Variants in DLG2 observed in about 807,000 individuals in gnomAD.
The protein encoded by DLG2 is disks large homolog 2.
A neutral mutation model predicts 132.5 loss-of-function variants in DLG2; 45 were observed. That is an observed-to-expected ratio of 0.34 (90% CI 0.27 to 0.44). The LOEUF (loss-of-function observed/expected upper bound fraction) is 0.44. Ranked by LOEUF, DLG2 falls within the 20% of genes least tolerant of loss-of-function variation. DLG2 has a pLI of 1.00. For missense variants in DLG2, 1,045 were observed against 1,196.9 expected (o/e 0.87, Z 1.87); for synonymous variants, 424 against 419.6 (o/e 1.01, Z -0.13).
intron 7 of DLG2, among the ~76,000 whole-genome samples, chr11:84,517,814 A>G (rs1461178305): frequency 6.6e-6 from 1 of 152,060 alleles, no homozygotes; most frequent in East Asian, 1.9e-4. Context: ...AATGCTATTT[A>G]GCCACAAAGA....
intron 7 of DLG2, among the ~76,000 whole-genome samples, chr11:84,259,314 T>G (rs1464566656): frequency 6.6e-6 from 1 of 150,520 alleles, no homozygotes; most frequent in Non-Finnish European, 1.5e-5. Flanking sequence ...TACTGGAGAT[T>G]AGTTTTTACT....
At chr11:83,735,893 G>C in intron 18 of DLG2, among the ~76,000 whole-genome samples, 1 of 152,146 alleles carries the variant, frequency 6.6e-6, no homozygotes, top group Non-Finnish European at 1.5e-5. Context: ...AATGGGACTT[G>C]GAAAATTCCA....
At chr11:85,407,884 G>A (rs895551093) in intron 3 of DLG2, among the ~76,000 whole-genome samples, 2 of 151,614 alleles carry the variant, frequency 1.3e-5, no homozygotes, top group Admixed American at 6.6e-5. Context: ...GCTTTCTGCG[G>A]TTCTTGAAAA....
intron 6 of DLG2, among the ~76,000 whole-genome samples, chr11:84,667,959 G>A (rs2099701650): frequency 6.6e-6 from 1 of 152,048 alleles, no homozygotes; most frequent in African/African-American, 2.4e-5. Context: ...ACTTTTGAGG[G>A]TAATCTTTAG....
chr11:84,706,462 A>C (rs1375825173), intron 6 of DLG2, among the ~76,000 whole-genome samples: 1 of 151,790 alleles, frequency 6.6e-6, no homozygotes, highest in Non-Finnish European at 1.5e-5. Context: ...TGATACATTG[A>C]AACATCTTGA....
chr11:85,365,786 AT>A (rs2084502567), intron 3 of DLG2, among the ~76,000 whole-genome samples: 1 of 152,220 alleles, frequency 6.6e-6, no homozygotes, highest in Non-Finnish European at 1.5e-5. Context: ...CTTTGTAGGA[AT>A]GTGGATGAAG....
intron 12 of DLG2, 143 bp from the exon 13 acceptor site, chr11:83,965,611 T>A (rs1047001885): frequency 1.5e-6 from 1 of 664,390 alleles, no homozygotes; most frequent in Admixed American, 3.2e-5. Flanking sequence ...AATGCATTAG[T>A]CAAAGCAGAT....
At chr11:84,998,869 A>C (rs1239597843) in intron 6 of DLG2, among the ~76,000 whole-genome samples, 1 of 152,120 alleles carries the variant, frequency 6.6e-6, no homozygotes, top group Non-Finnish European at 1.5e-5. Context: ...CAGACATGCT[A>C]TTCCTAAAAG....
chr11:85,504,996 T>C (rs1312266868), intron 3 of DLG2, among the ~76,000 whole-genome samples: 1 of 152,254 alleles, frequency 6.6e-6, no homozygotes, highest in Non-Finnish European at 1.5e-5. Context: ...AGTTCACTCA[T>C]GATTTGGCTC....
intron 6 of DLG2, chr11:84,545,827 C>G (rs1292848463): frequency 6.6e-6 from 1 of 152,604 alleles, no homozygotes; most frequent in Non-Finnish European, 1.4e-5. Flanking sequence ...GCAATCTCTG[C>G]TCACTGCAAC....
intron 6 of DLG2, chr11:85,021,143 A>G: frequency 1.2e-6 from 1 of 824,212 alleles, no homozygotes; most frequent in Non-Finnish European, 2.2e-6. Flanking sequence ...CCAGACTTAG[A>G]AGATCCCCGC....
intron 6 of DLG2, among the ~76,000 whole-genome samples, chr11:84,571,921 C>T (rs1426202909): frequency 1.3e-5 from 2 of 152,104 alleles, no homozygotes; most frequent in Non-Finnish European, 2.9e-5. Context: ...TCAGGCACAA[C>T]TCTGGATACT....
intron 15 of DLG2, among the ~76,000 whole-genome samples, chr11:83,884,869 G>C (rs1415447621): frequency 6.6e-6 from 1 of 152,178 alleles, no homozygotes; most frequent in Non-Finnish European, 1.5e-5. Context: ...AACTCCAACA[G>C]ACCTGCAGCT....
Position 85,563,042 on chromosome 11 carries a change from C to G in DLG2, c.40+35615G>C, listed in dbSNP as rs550019886. Among the ~76,000 whole-genome samples the G allele has an allele frequency of 1.1e-4, 17 of 151,728 alleles. No individual in the cohort carries two copies. The South Asian group carries it at 2.7e-3, about 24-fold the overall frequency. ...ACATTTATACTCAATTCAATATTGA[C>G]TGAGCACCTGTTGTGGGTATTAAAA... On this transcript the variant is annotated intron_variant, in intron 3 of 27. Coordinates refer to ENST00000376104, the MANE Select transcript of DLG2 (RefSeq NM_001142699.3).
intron 3 of DLG2, among the ~76,000 whole-genome samples, chr11:85,484,104 G>A (rs2093365713): frequency 1.3e-5 from 2 of 152,040 alleles, no homozygotes; most frequent in South Asian, 2.1e-4. Context: ...ACTTTGAAGA[G>A]AGAGTACAAG....
At chr11:83,881,047 T>TTA (rs1491308928) in intron 15 of DLG2, among the ~76,000 whole-genome samples, 47 of 151,948 alleles carry the variant, frequency 3.1e-4, no homozygotes, top group Non-Finnish European at 5.3e-4. Flanking sequence ...TCCATTTTTT[T>TTA]AAAAAAAATG....
chr11:83,846,172 T>C (rs2058573190), intron 16 of DLG2, among the ~76,000 whole-genome samples: 1 of 152,052 alleles, frequency 6.6e-6, no homozygotes, highest in African/African-American at 2.4e-5. Flanking sequence ...GAAAGGAAAG[T>C]AGAGGGTATT....
At chr11:84,467,248 C>CT (rs1567711052) in intron 7 of DLG2, among the ~76,000 whole-genome samples, 1 of 151,236 alleles carries the variant, frequency 6.6e-6, no homozygotes, top group East Asian at 1.9e-4. Flanking sequence ...AATGATAACG[C>CT]TTTTTTAAAA....
At chr11:84,657,603 A>C (rs928230359) in intron 6 of DLG2, among the ~76,000 whole-genome samples, 8 of 152,152 alleles carry the variant, frequency 5.3e-5, no homozygotes, top group African/African-American at 1.9e-4. Flanking sequence ...TAAGAAGTAC[A>C]CAACCTAGAT....
Sources: gnomAD v4.1 joint callset for allele counts (sites outside exome capture counted in the v4.1 genomes callset) on GRCh38, gnomAD v4.1.1 for gene constraint, MANE v1.5 for transcripts, NCBI Gene and HGNC (gene_info 2026-07-23, HGNC 2026-07-21) for gene names.